HNF4G: variants seen among roughly 807,000 people sequenced by gnomAD.
HNF4G encodes the protein hepatocyte nuclear factor 4 gamma.
In HNF4G, 21 loss-of-function variants were observed where a neutral mutation model predicts 50.9. The ratio of observed to expected loss-of-function variants is 0.41; its 90% CI spans 0.29 to 0.59. HNF4G has a LOEUF of 0.59. HNF4G is among the 20% of genes least tolerant of loss of function. The probability of loss-of-function intolerance (pLI) is 0.26; values close to 1 mark genes in which losing one functional copy is unlikely to be tolerated. For synonymous variants in HNF4G, 198 were observed against 185.6 expected, an observed-to-expected ratio of 1.07 and a Z score of -0.54; for missense variants, 527 against 559.4, an observed-to-expected ratio of 0.94 and a Z score of 0.58.
At chr8:75,418,241 C>T (rs1187165298) in intron 1 of HNF4G, among the ~76,000 whole-genome samples, 1 of 152,028 alleles carries the variant, frequency 6.6e-6, no homozygotes, top group Non-Finnish European at 1.5e-5. Context: ...TTTATAAGGA[C>T]ACCAGTCATA....
intron 2 of HNF4G, among the ~76,000 whole-genome samples, chr8:75,496,041 T>C (rs981627595): frequency 3.9e-5 from 6 of 152,114 alleles, no homozygotes; most frequent in African/African-American, 1.2e-4. Context: ...TATCTAATAA[T>C]TGAATGACAA....
At chr8:75,425,150 A>G (rs1245080685) in intron 1 of HNF4G, among the ~76,000 whole-genome samples, 2 of 151,150 alleles carry the variant, frequency 1.3e-5, no homozygotes, top group African/African-American at 4.9e-5. Context: ...CAGTGGTGCA[A>G]TCTCGGCTCA....
At chr8:75,491,047 T>C (rs1812617839) in intron 2 of HNF4G, among the ~76,000 whole-genome samples, 1 of 152,208 alleles carries the variant, frequency 6.6e-6, no homozygotes, top group African/African-American at 2.4e-5. Flanking sequence ...CATTAGTTTG[T>C]GTTTGGAAAG....
At chr8:75,524,789 T>A (rs1806136986) in intron 2 of HNF4G, among the ~76,000 whole-genome samples, 1 of 152,184 alleles carries the variant, frequency 6.6e-6, no homozygotes, top group Non-Finnish European at 1.5e-5. Context: ...ATTGAATTGA[T>A]AAAAAGATTA....
At chr8:75,460,035 G>A (rs1811808072) in intron 1 of HNF4G, among the ~76,000 whole-genome samples, 1 of 151,698 alleles carries the variant, frequency 6.6e-6, no homozygotes, top group Admixed American at 6.6e-5. Flanking sequence ...GCTGTATGAT[G>A]ATTCTGTATA....
intron 1 of HNF4G, among the ~76,000 whole-genome samples, chr8:75,473,741 G>A (rs367624714): frequency 6.6e-6 from 1 of 152,150 alleles, no homozygotes; most frequent in Non-Finnish European, 1.5e-5. Context: ...ATTGGAACTG[G>A]GGGGAGTAGA....
chr8:75,467,661 G>GA (rs371678463), intron 1 of HNF4G, among the ~76,000 whole-genome samples: 14,573 of 127,258 alleles, frequency 0.11, 771 homozygotes, highest in Non-Finnish European at 0.13. Flanking sequence ...TCTGTCTCAG[G>GA]AAAAAAAAAA....
chr8:75,478,503 G>T (rs954031786), intron 1 of HNF4G, among the ~76,000 whole-genome samples: 2 of 152,170 alleles, frequency 1.3e-5, no homozygotes, highest in East Asian at 3.9e-4. Context: ...CATAGCACAG[G>T]ATCTTGAGTC....
In HNF4G at chr8:75,522,295, C is replaced by T. The variant is rs76843350; in HGVS notation, c.-23-21516C>T. On this transcript the variant is annotated intron_variant, in intron 2 of 10. Coordinates refer to the HNF4G transcript ENST00000354370. ...TCTGTAAGAGCCAGTGTTTATATAGCTTGGAATATACCAGAGTATACTTAC... is the reference window on the plus strand; with the variant it reads ...TCTGTAAGAGCCAGTGTTTATATAGTTTGGAATATACCAGAGTATACTTAC... Among the ~76,000 whole-genome samples the T allele has an allele frequency of 6.4e-3, 978 of 152,212 alleles. 4 individuals carry two copies. Among genetic ancestry groups the T allele is most frequent in the African/African-American group, 0.019 (772 of 41,544 alleles).
At chr8:75,519,873 CAT>C (rs766396182) in intron 2 of HNF4G, among the ~76,000 whole-genome samples, 2 of 151,890 alleles carry the variant, frequency 1.3e-5, no homozygotes, top group Non-Finnish European at 2.9e-5. Flanking sequence ...TATTCAATCT[CAT>C]AGTCTCTGTA....
At chr8:75,474,003 GA>G (rs34051817) in intron 1 of HNF4G, among the ~76,000 whole-genome samples, 7,626 of 152,266 alleles carry the variant, frequency 0.05, 260 homozygotes, top group Non-Finnish European at 0.072. Flanking sequence ...GGAGTTAGGA[GA>G]AGGTTAGGAT....
intron 1 of HNF4G, among the ~76,000 whole-genome samples, chr8:75,542,648 C>A (rs896992076): frequency 6.6e-6 from 1 of 151,466 alleles, no homozygotes; most frequent in Admixed American, 6.6e-5. Flanking sequence ...GTTTGACATG[C>A]AGGGTTTACA....
chr8:75,427,440 T>C (rs1810915750), intron 1 of HNF4G, among the ~76,000 whole-genome samples: 1 of 151,878 alleles, frequency 6.6e-6, no homozygotes, highest in Non-Finnish European at 1.5e-5. Context: ...TAGCCTAGTG[T>C]GGTGGCACCA....
chr8:75,554,315 G>T (rs549138672), intron 5 of HNF4G, among the ~76,000 whole-genome samples: 2 of 152,216 alleles, frequency 1.3e-5, no homozygotes, highest in African/African-American at 4.8e-5. Flanking sequence ...TTTAGAAGTT[G>T]CTGACTTATA....
At chr8:75,551,346 T>C (rs1563551576) in intron 3 of HNF4G, 42 bp from the exon 4 acceptor site, 2 of 1,144,174 alleles carry the variant, frequency 1.7e-6, no homozygotes, top group South Asian at 2.5e-5. Flanking sequence ...TAACATACAC[T>C]AAAGAGAAGT....
chr8:75,538,373 C>T (rs1487711693), upstream of HNF4G, among the ~76,000 whole-genome samples: 1 of 152,154 alleles, frequency 6.6e-6, no homozygotes, highest in African/African-American at 2.4e-5. Context: ...TGAGCTACAG[C>T]CACATTTCTT....
chr8:75,473,926 C>T (rs1244340131), intron 1 of HNF4G, among the ~76,000 whole-genome samples: 1 of 151,262 alleles, frequency 6.6e-6, no homozygotes, highest in Non-Finnish European at 1.5e-5. Context: ...CACAGAAGGG[C>T]TGTCTGAGAA....
At chr8:75,408,078 C>T (rs1233830842) in exon 1 of HNF4G, 1 of 152,228 alleles carries the variant, frequency 6.6e-6, no homozygotes. Context: ...GGGGCTGAGC[C>T]TCAGGACCCC....
At chr8:75,538,763 G>A (rs1806535233), upstream of HNF4G, among the ~76,000 whole-genome samples, 1 of 152,138 alleles carries the variant, frequency 6.6e-6, no homozygotes, top group South Asian at 2.1e-4. Flanking sequence ...TTGATTTAGT[G>A]AATCTGGCTG....
Sources: gnomAD v4.1 joint callset for allele counts (sites outside exome capture counted in the v4.1 genomes callset) on GRCh38, gnomAD v4.1.1 for gene constraint, MANE v1.5 for transcripts, NCBI Gene and HGNC (gene_info 2026-07-23, HGNC 2026-07-21) for gene names.